N4BP2: variants seen among roughly 807,000 people sequenced by gnomAD.
N4BP2 encodes NEDD4-binding protein 2.
A neutral mutation model predicts 152.8 loss-of-function variants in N4BP2; 91 were observed. The observed-to-expected ratio is 0.60, with a 90% confidence interval of 0.50 to 0.71. The LOEUF is 0.71. Among genes scored for constraint, N4BP2 ranks in the 30% least tolerant of loss-of-function variants. The pLI, the probability that N4BP2 is intolerant of heterozygous loss-of-function variation, is 0.00. For missense variants in N4BP2, 1,923 were observed against 2,059.1 expected, an observed-to-expected ratio of 0.93 and a Z score of 1.28; for synonymous variants, 646 against 705.3, an observed-to-expected ratio of 0.92 and a Z score of 1.33.
chr4:40,059,613 G>T (rs886356071), intron 1 of N4BP2, among the ~76,000 whole-genome samples: 1 of 151,026 alleles, frequency 6.6e-6, no homozygotes, highest in Non-Finnish European at 1.5e-5. Flanking sequence ...GCCTCCCAAA[G>T]TGCTAGGATT....
chr4:40,138,916 T>C (rs1224168310), intron 14 of N4BP2, among the ~76,000 whole-genome samples: 1 of 152,212 alleles, frequency 6.6e-6, no homozygotes, highest in Non-Finnish European at 1.5e-5. Context: ...TCTGGTGCCC[T>C]TGGATTTCCA....
the N4BP2 span, among the ~76,000 whole-genome samples, chr4:40,186,452 T>C: frequency 6.6e-6 from 1 of 152,146 alleles, no homozygotes; most frequent in South Asian, 2.1e-4. Context: ...ATTTGGGAAA[T>C]ATGTGGCTGG....
At chr4:40,176,669 G>A in the N4BP2 span, among the ~76,000 whole-genome samples, 1 of 152,236 alleles carries the variant, frequency 6.6e-6, no homozygotes, top group African/African-American at 2.4e-5. Flanking sequence ...TTTTCTCACT[G>A]AGTTAATTAT....
intron 4 of N4BP2, among the ~76,000 whole-genome samples, chr4:40,106,130 C>T (rs964040995): frequency 7.9e-5 from 12 of 152,084 alleles, no homozygotes; most frequent in Admixed American, 7.9e-4. Flanking sequence ...ATCTTCTAAC[C>T]ATTATAAAGA....
intron 3 of N4BP2, among the ~76,000 whole-genome samples, chr4:40,098,561 G>A (rs1376732000): frequency 2.0e-5 from 3 of 152,126 alleles, no homozygotes; most frequent in Admixed American, 6.6e-5. Flanking sequence ...CTGGATTTGG[G>A]AAGTTTTGGT....
intron 2 of N4BP2, among the ~76,000 whole-genome samples, chr4:40,080,389 G>T (rs1375893638): frequency 6.7e-6 from 1 of 148,736 alleles, no homozygotes; most frequent in African/African-American, 2.5e-5. Flanking sequence ...TTGCTCTGTT[G>T]CCAGGCTGGA....
chr4:40,145,094 A>G lies in N4BP2; in HGVS notation c.5143+294A>G, dbSNP rs544297901. ...AAATGAGACCTTTCAGGAATATTACATATCTTTGTCCAATAGACATTTATT... is the reference window on the plus strand; with the variant it reads ...AAATGAGACCTTTCAGGAATATTACGTATCTTTGTCCAATAGACATTTATT... On this transcript the variant is annotated intron_variant, in intron 16 of 17. Coordinates refer to ENST00000261435, the MANE Select transcript of N4BP2 (RefSeq NM_018177.6). Among the ~76,000 whole-genome samples the G allele has an allele frequency of 1.7e-3, 264 of 152,310 alleles. 3 individuals carry two copies. Among genetic ancestry groups the G allele is most frequent in the Middle Eastern group, 6.8e-3 (2 of 294 alleles).
intron 2 of N4BP2, among the ~76,000 whole-genome samples, chr4:40,085,988 G>A (rs1400972034): frequency 1.3e-5 from 2 of 150,740 alleles, no homozygotes; most frequent in African/African-American, 4.9e-5. Flanking sequence ...TTTTTGAGAC[G>A]GAGTTTTGCT....
intron 2 of N4BP2, among the ~76,000 whole-genome samples, chr4:40,094,833 T>C (rs1015869537): frequency 2.0e-5 from 3 of 151,820 alleles, no homozygotes; most frequent in African/African-American, 7.3e-5. Context: ...ATTACAGGTG[T>C]GAGCCACCGC....
At chr4:40,142,918 G>GAAGCAGATAAGACACCCATATTGTGACT in intron 15 of N4BP2, 57 bp downstream of exon 15, 1 of 1,442,056 alleles carries the variant, frequency 6.9e-7, no homozygotes. Flanking sequence ...AAATACTCTT[G>GAAGCAGATAAGACACCCATATTGTGACT]AAGCAGATAA....
chr4:40,074,061 G>A (rs1297423032), intron 2 of N4BP2, among the ~76,000 whole-genome samples: 1 of 151,926 alleles, frequency 6.6e-6, no homozygotes, highest in East Asian at 1.9e-4. Context: ...CAAAGTACTG[G>A]GATTACAGGC....
the N4BP2 span, among the ~76,000 whole-genome samples, chr4:40,189,465 C>T: frequency 2.0e-5 from 3 of 152,144 alleles, no homozygotes; most frequent in Non-Finnish European, 4.4e-5. This position sits in a 1 kb window ranked among gnomAD's most constrained non-coding sequence, Gnocchi z 4.3. Context: ...AGTAAAGCTG[C>T]GTGATCAGCT....
Position 40,122,226 on chromosome 4 carries a change from C to T in N4BP2, c.4115C>T (p.Thr1372Ile). The change falls in exon 9 of 18, where the codon ACC (threonine) becomes ATC (isoleucine). Residue 1372 changes from threonine (T) to isoleucine (I), a missense_variant. By Grantham distance (89) the Thr-to-Ile change is moderately conservative (BLOSUM62 -1). Transcript: ENST00000261435. The stretch of plus-strand genomic sequence containing the variant: ...ACTCCAGCGATGGCCAAATCTCTGA[C>T]CATAGACTGTCTGGAATTGGCATTA... ...NPTPAMAKSL[T>I]IDCLELALPP... The T allele has an allele frequency of 6.2e-7, 1 of 1,612,280 alleles. No individual in the cohort carries two copies. Among genetic ancestry groups the T allele is most frequent in the Non-Finnish European group, 8.5e-7 (1 of 1,178,770 alleles).
At chr4:40,063,442 A>T (rs1733809488) in intron 1 of N4BP2, among the ~76,000 whole-genome samples, 2 of 152,068 alleles carry the variant, frequency 1.3e-5, no homozygotes, top group African/African-American at 4.8e-5. Flanking sequence ...ACCTTGACCA[A>T]ATCTAGTGTT....
chr4:40,179,544 A>T, the N4BP2 span, among the ~76,000 whole-genome samples: 4 of 152,146 alleles, frequency 2.6e-5, no homozygotes, highest in African/African-American at 9.7e-5. Context: ...TGTAGAGGCT[A>T]TTATTATCCC....
At position 40,144,871 on chromosome 4, in the gene N4BP2, T is replaced by G; in HGVS notation, c.5143+71T>G. ...GCTTATATTGGTATAGCTTGCAAAT[T>G]CAGGAGAGTCTGAATATGCAGGCTG... On this transcript the variant is annotated intron_variant, in intron 16 of 17. Transcript: ENST00000261435. 2.4e-6 allele frequency: 3 copies of G among 1,258,040 alleles called. No individual in the cohort carries two copies. In the South Asian group the frequency reaches 4.9e-5, roughly 21 times the overall value. The allele number at this position is 1,258,040 out of a possible 1,614,324, so 77.9% of individuals were successfully genotyped here.
intron 4 of N4BP2, among the ~76,000 whole-genome samples, chr4:40,105,362 CA>C (rs1204695974): frequency 6.8e-6 from 1 of 146,464 alleles, no homozygotes; most frequent in Non-Finnish European, 1.5e-5. Context: ...CTGACTCTGT[CA>C]CCCAGGCTGT....
At chr4:40,119,479 T>C (rs189945328) in intron 8 of N4BP2, among the ~76,000 whole-genome samples, 259 of 152,338 alleles carry the variant, frequency 1.7e-3, no homozygotes, top group African/African-American at 5.8e-3. Flanking sequence ...TTTCTCTTAA[T>C]CGGGCAAATA....
At chr4:40,060,609 T>C (rs1244242616) in intron 1 of N4BP2, among the ~76,000 whole-genome samples, 1 of 151,872 alleles carries the variant, frequency 6.6e-6, no homozygotes, top group East Asian at 1.9e-4. Flanking sequence ...TAGATTTTTT[T>C]TTTTTTTTTT....
Sources: allele counts gnomAD v4.1 joint callset (sites outside exome capture counted in the v4.1 genomes callset), GRCh38; gene constraint gnomAD v4.1.1; non-coding constraint Gnocchi (gnomAD v3.1); transcripts MANE v1.5; gene names NCBI Gene and HGNC (gene_info 2026-07-23, HGNC 2026-07-21).